Variants in RAPGEF2 observed in about 807,000 individuals in gnomAD.
RAPGEF2 encodes Rap guanine nucleotide exchange factor 2, also known as PDZ domain containing guanine nucleotide exchange factor (GEF) 1.
RAPGEF2 carries 54 observed loss-of-function variants against 186.7 expected under a neutral mutation model. The ratio of observed to expected loss-of-function variants is 0.29; its 90% CI spans 0.23 to 0.36. The LOEUF (loss-of-function observed/expected upper bound fraction) is 0.36, where lower values mean the gene tolerates loss of function less well. Among genes scored for constraint, RAPGEF2 ranks in the 10% least tolerant of loss-of-function variants. The pLI is 1.00. For missense variants in RAPGEF2, 1,532 were observed against 2,045.0 expected (o/e 0.75, Z 4.84); for synonymous variants, 712 against 705.9 (o/e 1.01, Z -0.14).
In RAPGEF2 at chr4:159,105,974, G is replaced by C. The variant is rs536807207; in HGVS notation, c.69+1743G>C. Among the ~76,000 whole-genome samples the C allele has an allele frequency of 9.2e-5, 14 of 152,268 alleles. No individual in the cohort carries two copies. The East Asian group carries it at 2.7e-3, about 29-fold the overall frequency. ...ATGACTAAAACCTACTATCAGGTTGGGGGGCGGGTCACCAAACAAGACTAG... is the reference window on the plus strand; with the variant it reads ...ATGACTAAAACCTACTATCAGGTTGCGGGGCGGGTCACCAAACAAGACTAG... On this transcript the variant is annotated intron_variant, in intron 1 of 29. Coordinates refer to ENST00000691494, the MANE Select transcript of RAPGEF2 (RefSeq NM_001394067.2).
intron 8 of RAPGEF2, among the ~76,000 whole-genome samples, chr4:159,308,660 A>T (rs1483821245): frequency 6.6e-6 from 1 of 152,234 alleles, no homozygotes; most frequent in African/African-American, 2.4e-5. Context: ...TAGATGCTGT[A>T]CACCAGGGAG....
rs757082333 is a variant in RAPGEF2 at position 159,353,627 on chromosome 4, C to T, written c.4232C>T (p.Thr1411Met). 6 of 1,596,508 alleles carry T rather than the reference C, an allele frequency of 3.8e-6. No homozygotes were observed. The highest frequency in any genetic ancestry group is 1.1e-5 in the South Asian group (1 of 87,606). ...GCTGACAGTGGCCGTGGGAGCTGGACGTCATGCTCAAGTGGCTCCCATGAT... is the reference window on the plus strand; with the variant it reads ...GCTGACAGTGGCCGTGGGAGCTGGATGTCATGCTCAAGTGGCTCCCATGAT... ...DAADSGRGSW[T>M]SCSSGSHDNI... Residue 1411 changes from threonine (T) to methionine (M), a missense_variant, in exon 28 of 30, where the codon ACG (threonine) becomes ATG (methionine). Coordinates refer to ENST00000691494, the MANE Select transcript of RAPGEF2 (RefSeq NM_001394067.2). This position sits in a 1 kb window ranked among gnomAD's most constrained non-coding sequence, Gnocchi z 4.3.
chr4:159,181,749 G>A (rs28636885), intron 1 of RAPGEF2, among the ~76,000 whole-genome samples: 72,967 of 151,674 alleles, frequency 0.48, 19,224 homozygotes, highest in African/African-American at 0.71. Flanking sequence ...GTTGGCCAGG[G>A]TGGTCTCGAT....
intron 7 of RAPGEF2, chr4:159,268,215 A>G: frequency 1.3e-6 from 2 of 1,586,014 alleles, no homozygotes; most frequent in South Asian, 1.1e-5. Context: ...AGAAACACTC[A>G]GTAAGTATCG....
chr4:159,136,557 CT>C (rs1278720211), intron 1 of RAPGEF2, among the ~76,000 whole-genome samples: 1 of 152,076 alleles, frequency 6.6e-6, no homozygotes, highest in East Asian at 1.9e-4. Flanking sequence ...GGCTACTATG[CT>C]TTTTAACTCA....
intron 1 of RAPGEF2, among the ~76,000 whole-genome samples, chr4:159,111,480 C>G (rs1425436532): frequency 6.6e-6 from 1 of 152,180 alleles, no homozygotes; most frequent in Admixed American, 6.5e-5. Context: ...AATATCTGCC[C>G]CTTGGCACCT....
intron 4 of RAPGEF2, among the ~76,000 whole-genome samples, chr4:159,237,716 A>C (rs1281266307): frequency 6.6e-6 from 1 of 151,968 alleles, no homozygotes; most frequent in East Asian, 1.9e-4. Flanking sequence ...TGATTACCAA[A>C]AATTTTAATA....
intron 1 of RAPGEF2, among the ~76,000 whole-genome samples, chr4:159,104,562 G>A (rs1345636830): frequency 6.6e-6 from 1 of 150,928 alleles, no homozygotes; most frequent in African/African-American, 2.5e-5. Context: ...GAGTGTGTGT[G>A]TGTGTGTGTA....
intron 7 of RAPGEF2, among the ~76,000 whole-genome samples, chr4:159,277,017 G>A (rs1758981600): frequency 1.3e-5 from 2 of 152,048 alleles, no homozygotes; most frequent in East Asian, 1.9e-4. Flanking sequence ...TTGGTGTGCT[G>A]CACCCATTAA....
At chr4:159,256,365 A>G (rs150750006) in intron 7 of RAPGEF2, among the ~76,000 whole-genome samples, 1,673 of 152,314 alleles carry the variant, frequency 0.011, 28 homozygotes, top group African/African-American at 0.038. Context: ...ATGTCTCTGC[A>G]AAGGACATGA....
At chr4:159,240,331 C>CTTTT (rs370477370) in intron 5 of RAPGEF2, among the ~76,000 whole-genome samples, 4,107 of 77,568 alleles carry the variant, frequency 0.053, 263 homozygotes, top group Non-Finnish European at 0.067. Flanking sequence ...AGCATTTCTA[C>CTTTT]TTTTTTTTTT....
chr4:159,297,201 T>C (rs1762129618), intron 7 of RAPGEF2, among the ~76,000 whole-genome samples: 1 of 152,106 alleles, frequency 6.6e-6, no homozygotes, highest in African/African-American at 2.4e-5. Flanking sequence ...TATCATAATA[T>C]AGGAAAGTAG....
chr4:159,221,278 G>T (rs373889605), intron 4 of RAPGEF2, among the ~76,000 whole-genome samples: 1 of 152,166 alleles, frequency 6.6e-6, no homozygotes, highest in African/African-American at 2.4e-5. Context: ...CTTCTTCTCC[G>T]CTTGTGCTAG....
intron 7 of RAPGEF2, among the ~76,000 whole-genome samples, chr4:159,252,077 G>T (rs570565808): frequency 1.3e-5 from 2 of 151,028 alleles, no homozygotes; most frequent in South Asian, 4.1e-4. Context: ...AACATTCACC[G>T]TGAGGGTCTG....
intron 7 of RAPGEF2, among the ~76,000 whole-genome samples, chr4:159,249,652 T>C (rs1195340112): frequency 6.6e-6 from 1 of 152,084 alleles, no homozygotes; most frequent in Non-Finnish European, 1.5e-5. Flanking sequence ...CCCCTTATTT[T>C]CTCTGAAAAA....
At chr4:159,105,778 T>A (rs1191618088) in intron 1 of RAPGEF2, among the ~76,000 whole-genome samples, 1 of 152,196 alleles carries the variant, frequency 6.6e-6, no homozygotes. Flanking sequence ...CAGATTTCAG[T>A]GAGATATTTC....
intron 7 of RAPGEF2, among the ~76,000 whole-genome samples, chr4:159,259,195 T>A (rs1299918762): frequency 6.6e-6 from 1 of 152,214 alleles, no homozygotes; most frequent in Non-Finnish European, 1.5e-5. Flanking sequence ...TACTCATTTT[T>A]AAAAATGAAT....
chr4:159,165,826 C>G (rs1745247457), intron 1 of RAPGEF2, among the ~76,000 whole-genome samples: 1 of 152,102 alleles, frequency 6.6e-6, no homozygotes, highest in Admixed American at 6.6e-5. Context: ...TTTATGGGCT[C>G]AGGCAGTCCT....
intron 7 of RAPGEF2, among the ~76,000 whole-genome samples, chr4:159,302,131 G>T (rs1209024978): frequency 1.3e-5 from 2 of 152,130 alleles, no homozygotes; most frequent in Non-Finnish European, 2.9e-5. Context: ...GCTGTAAGTA[G>T]GCACAGATGA....
Sources: gnomAD v4.1 joint callset for allele counts (sites outside exome capture counted in the v4.1 genomes callset) on GRCh38, gnomAD v4.1.1 for gene constraint, Gnocchi (gnomAD v3.1) non-coding constraint, MANE v1.5 for transcripts, NCBI Gene and HGNC (gene_info 2026-07-23, HGNC 2026-07-21) for gene names.